Variants in RAB19 observed in about 807,000 individuals in gnomAD.
RAB19 encodes the protein ras-related protein Rab-19.
In RAB19, 21 loss-of-function variants were observed where a neutral mutation model predicts 17.3. That is an observed-to-expected ratio of 1.21 (90% CI 0.86 to 1.74). The LOEUF (loss-of-function observed/expected upper bound fraction) is 1.74, where lower values mean the gene tolerates loss of function less well. Among genes scored for constraint, RAB19 ranks in the 40% most tolerant of loss-of-function variants. The probability of loss-of-function intolerance (pLI) is 0.00; values close to 1 mark genes in which losing one functional copy is unlikely to be tolerated. For missense variants in RAB19, 277 were observed against 286.8 expected, an observed-to-expected ratio of 0.97 and a Z score of 0.25; for synonymous variants, 126 against 110.4, an observed-to-expected ratio of 1.14 and a Z score of -0.88.
At chr7:140,424,689 A>ATC (rs1799632675) in intron 3 of RAB19, among the ~76,000 whole-genome samples, 1 of 82,428 alleles carries the variant, frequency 1.2e-5, no homozygotes, top group African/African-American at 6.3e-5. Flanking sequence ...ATATACACAT[A>ATC]TCTATATATA....
At chr7:140,415,563 T>C (rs1799440881) in intron 3 of RAB19, among the ~76,000 whole-genome samples, 1 of 152,148 alleles carries the variant, frequency 6.6e-6, no homozygotes, top group African/African-American at 2.4e-5. Flanking sequence ...CTGTGTTACA[T>C]AACACCCTCA....
chr7:140,410,353 C>T (rs1399763023), intron 2 of RAB19, among the ~76,000 whole-genome samples: 7 of 134,944 alleles, frequency 5.2e-5, no homozygotes, highest in Non-Finnish European at 9.2e-5. Context: ...GGAGTCTCGC[C>T]CTGTCACCCA....
chr7:140,410,326 T>TTTC (rs1489197473), intron 2 of RAB19, among the ~76,000 whole-genome samples: 1 of 127,126 alleles, frequency 7.9e-6, no homozygotes, highest in African/African-American at 2.9e-5. Context: ...TTTTTTTTTT[T>TTTC]TTTTTTTTTT....
chr7:140,413,814 C>T (rs2130119607), intron 3 of RAB19, among the ~76,000 whole-genome samples: 1 of 152,256 alleles, frequency 6.6e-6, no homozygotes, highest in South Asian at 2.1e-4. Flanking sequence ...TAGATGCAGC[C>T]CATGCCCTCC....
rs191476809 is a variant in RAB19, at chr7:140,427,134, G to A, written c.*984G>A. 2.0e-3 allele frequency among the ~76,000 whole-genome samples: 270 copies of A among 137,580 alleles called. 3 individuals are homozygous for A. In the East Asian group the frequency reaches 0.032, roughly 16 times the overall value. The allele number at this position is 137,580 out of a possible 152,430, so 90.3% of individuals were successfully genotyped here. A position where few individuals can be genotyped will look rare whatever the true frequency, so the allele number is the denominator to read the frequency against. On this transcript the variant is annotated 3_prime_UTR_variant, in exon 4 of 4. Coordinates refer to ENST00000537763, the MANE Select transcript of RAB19 (RefSeq NM_001008749.3). ...TGGGATTACAGGCATGAGCCACCAT[G>A]CCTGTTCTTTTTTTTTTTTTTTTTT...
chr7:140,408,043 A>AT (rs1799282088), intron 2 of RAB19, among the ~76,000 whole-genome samples, 196 bp downstream of exon 2: 1 of 89,324 alleles, frequency 1.1e-5, no homozygotes, highest in Non-Finnish European at 2.3e-5. Flanking sequence ...ACGCCCGGCA[A>AT]ATTTTTTTTT....
chr7:140,407,828 T>C lies in RAB19; in HGVS notation c.182T>C (p.Ile61Thr), dbSNP rs754122207. Reference sequence around the variant, plus strand: ...GACTTTACCGTGCGTTCCCTTGATATTGACGGCAAAAAAGTGAAGGTCAGA... The same window carrying C: ...GACTTTACCGTGCGTTCCCTTGATACTGACGGCAAAAAAGTGAAGGTCAGA... ...GVDFTVRSLD[I>T]DGKKVKMQVW... The change falls in exon 2 of 4, where the codon ATT (isoleucine) becomes ACT (threonine). Residue 61 changes from isoleucine to threonine, a missense_variant. By Grantham distance (89) the Ile-to-Thr change is moderately conservative (BLOSUM62 -1). Transcript: ENST00000537763. 6.2e-7 allele frequency: 1 copy of C among 1,613,372 alleles called. No individual in the cohort carries two copies. Among genetic ancestry groups the C allele is most frequent in the Non-Finnish European group, 8.5e-7 (1 of 1,179,928 alleles).
chr7:140,415,960 G>C (rs7784539), intron 3 of RAB19, among the ~76,000 whole-genome samples: 55,223 of 151,716 alleles, frequency 0.36, 10,733 homozygotes, highest in African/African-American at 0.5. Context: ...AATCCCAGTA[G>C]TTTGGGAGGC....
At chr7:140,411,028 A>G in intron 2 of RAB19, 4 of 1,367,820 alleles carry the variant, frequency 2.9e-6, no homozygotes, top group Non-Finnish European at 3.9e-6. Flanking sequence ...GGGCAGACTC[A>G]AAAGATGAGC....
chr7:140,412,587 C>T (rs1037193926), intron 3 of RAB19, among the ~76,000 whole-genome samples: 88 of 150,744 alleles, frequency 5.8e-4, no homozygotes, highest in Non-Finnish European at 1.1e-3. Context: ...AGGCTGGTCT[C>T]GAACTCCTGG....
chr7:140,418,341 C>T (rs968839418), intron 3 of RAB19, among the ~76,000 whole-genome samples: 3 of 136,582 alleles, frequency 2.2e-5, no homozygotes, highest in African/African-American at 8.4e-5. Context: ...TGCCTGAGCT[C>T]AGGAGTTGGA....
chr7:140,425,665 A>C (rs1008113937), intron 3 of RAB19, among the ~76,000 whole-genome samples: 1 of 151,970 alleles, frequency 6.6e-6, no homozygotes, highest in African/African-American at 2.4e-5. Flanking sequence ...CGGAGGTTGC[A>C]ATGAGCCAAG....
intron 2 of RAB19, among the ~76,000 whole-genome samples, chr7:140,408,363 G>A (rs917705630): frequency 3.3e-5 from 5 of 151,916 alleles, no homozygotes; most frequent in African/African-American, 4.8e-5. Flanking sequence ...AAGCCAATAA[G>A]GAAAATACTG....
At chr7:140,408,672 C>T (rs1032581224) in intron 2 of RAB19, among the ~76,000 whole-genome samples, 56 of 152,062 alleles carry the variant, frequency 3.7e-4, no homozygotes, top group African/African-American at 1.3e-3. Context: ...GATAGGGTTT[C>T]ACTATGTTGG....
intron 3 of RAB19, among the ~76,000 whole-genome samples, chr7:140,414,808 G>T (rs945602855): frequency 1.3e-5 from 2 of 152,118 alleles, no homozygotes; most frequent in Non-Finnish European, 2.9e-5. Context: ...ATCAGCACAG[G>T]AATGACCCCG....
intron 3 of RAB19, among the ~76,000 whole-genome samples, chr7:140,413,896 A>G (rs1799410612): frequency 6.6e-6 from 1 of 152,052 alleles, no homozygotes; most frequent in Non-Finnish European, 1.5e-5. Context: ...CTTGGGAATG[A>G]AGCAGTTCTA....
intron 3 of RAB19, among the ~76,000 whole-genome samples, chr7:140,415,774 GC>G (rs111736113): frequency 2.6e-5 from 4 of 151,172 alleles, no homozygotes; most frequent in East Asian, 1.9e-4. Flanking sequence ...ATGTGGTGGT[GC>G]ACGCCTGGAG....
At chr7:140,424,649 GTATATA>G (rs1229887166) in intron 3 of RAB19, among the ~76,000 whole-genome samples, 1 of 125,236 alleles carries the variant, frequency 8.0e-6, no homozygotes, top group African/African-American at 3.6e-5. Context: ...ATGTGTGTGT[GTATATA>G]TGTGTGTGTA....
rs765685964 is a variant in RAB19 at position 140,425,968 on chromosome 7, T to G, written c.472T>G (p.Leu158Val). ...TGAGAAGTACGGCCTCCTGGCCGTT[T>G]TGGAGACATCTGCCAAGGAGTCAAA... ...LAEKYGLLAV[L>V]ETSAKESKNI... The change falls in exon 4 of 4, where the codon TTG becomes GTG. Residue 158 changes from leucine (L) to valine (V), a missense_variant. Coordinates refer to ENST00000537763, the MANE Select transcript of RAB19 (RefSeq NM_001008749.3). 1.2e-6 allele frequency: 2 copies of G among 1,614,158 alleles called. No individual in the cohort carries two copies. The highest frequency in any genetic ancestry group is 1.7e-6 in the Non-Finnish European group (2 of 1,180,032).
Sources: allele counts gnomAD v4.1 joint callset (sites outside exome capture counted in the v4.1 genomes callset), GRCh38; gene constraint gnomAD v4.1.1; transcripts MANE v1.5; gene names NCBI Gene and HGNC (gene_info 2026-07-23, HGNC 2026-07-21).